The following RYR2 variants were observed in gnomAD, a reference collection of about 807,000 sequenced individuals.
The protein encoded by RYR2 is ryanodine receptor 2, also known as cardiac muscle ryanodine receptor-calcium release channel.
A neutral mutation model predicts 601.1 loss-of-function variants in RYR2; 227 were observed. The observed-to-expected ratio is 0.38, with a 90% confidence interval of 0.34 to 0.42. The LOEUF (loss-of-function observed/expected upper bound fraction) is 0.42, where lower values mean the gene tolerates loss of function less well. RYR2 is among the 10% of genes least tolerant of loss of function. The pLI is 1.00. For synonymous variants in RYR2, 2,223 were observed against 2,175.1 expected, an observed-to-expected ratio of 1.02 and a Z score of -0.61; for missense variants, 4,646 against 6,156.5, an observed-to-expected ratio of 0.75 and a Z score of 8.21.
rs570403867 is a variant in RYR2 at position 237,599,575 on chromosome 1, C to T, written c.4597-2450C>T. 1.3e-4 allele frequency among the ~76,000 whole-genome samples: 20 copies of T among 152,240 alleles called. No individual in the cohort carries two copies. The East Asian group carries it at 3.7e-3, about 28-fold the overall frequency. On this transcript the variant is annotated intron_variant, in intron 34 of 104. Coordinates refer to ENST00000366574, the MANE Select transcript of RYR2 (RefSeq NM_001035.3). The stretch of plus-strand genomic sequence containing the variant: ...GTGACTCATGCCTGTAATCCCAGCA[C>T]TTTGGGAGGCCGAGGCGGGTGGATC...
At chr1:237,112,517 C>T (rs1243693719) in intron 1 of RYR2, among the ~76,000 whole-genome samples, 1 of 150,878 alleles carries the variant, frequency 6.6e-6, no homozygotes, top group Non-Finnish European at 1.5e-5. Flanking sequence ...CCCAGGCTAC[C>T]CTTTAGGCAG....
chr1:237,320,317 T>A (rs113914685), intron 2 of RYR2, among the ~76,000 whole-genome samples: 2 of 152,156 alleles, frequency 1.3e-5, no homozygotes, highest in African/African-American at 2.4e-5. Context: ...AAAAGTGTTA[T>A]GTTATGGCTG....
chr1:237,480,170 G>A (rs1661877132), intron 17 of RYR2, among the ~76,000 whole-genome samples: 1 of 152,084 alleles, frequency 6.6e-6, no homozygotes. Context: ...TGTAATCCCA[G>A]CACTTTGGGA....
chr1:237,313,957 GTT>G (rs34046795), intron 2 of RYR2, among the ~76,000 whole-genome samples: 37,265 of 91,314 alleles, frequency 0.41, 5,017 homozygotes, highest in Non-Finnish European at 0.45. Flanking sequence ...ATTTTCAGGT[GTT>G]TTTTTTTTTT....
At chr1:237,579,247 TC>T (rs1346331394) in intron 29 of RYR2, among the ~76,000 whole-genome samples, 47 of 89,252 alleles carry the variant, frequency 5.3e-4, no homozygotes, top group African/African-American at 1.8e-3. Flanking sequence ...TTCTTCTTCT[TC>T]TTTTTTTTTT....
At chr1:237,594,886 G>GTTT (rs776702428) in intron 33 of RYR2, among the ~76,000 whole-genome samples, 15 of 60,406 alleles carry the variant, frequency 2.5e-4, no homozygotes, top group African/African-American at 1.3e-3. Flanking sequence ...ATATCACTGG[G>GTTT]TTTTTTTTTT....
At chr1:237,053,770 A>G (rs1396239654) in intron 1 of RYR2, among the ~76,000 whole-genome samples, 1 of 152,178 alleles carries the variant, frequency 6.6e-6, no homozygotes, top group Non-Finnish European at 1.5e-5. Flanking sequence ...GGACATAACA[A>G]TCAGAAAACC....
intron 19 of RYR2, among the ~76,000 whole-genome samples, chr1:237,493,504 G>C (rs968553694): frequency 6.6e-6 from 1 of 152,030 alleles, no homozygotes; most frequent in African/African-American, 2.4e-5. Flanking sequence ...CCAGGCTGGA[G>C]TGCAGTGGCA....
At chr1:237,745,376 T>A (rs910439681) in intron 80 of RYR2, among the ~76,000 whole-genome samples, 1 of 152,170 alleles carries the variant, frequency 6.6e-6, no homozygotes, top group African/African-American at 2.4e-5. Context: ...TGTTGAGGGA[T>A]GAAAATATGA....
chr1:237,190,346 T>G (rs952147951), intron 1 of RYR2, among the ~76,000 whole-genome samples: 2 of 152,234 alleles, frequency 1.3e-5, no homozygotes, highest in Non-Finnish European at 2.9e-5. Context: ...TGATTTGCAT[T>G]TCTCTTATTG....
chr1:237,776,591 T>C (rs905740720), intron 87 of RYR2, among the ~76,000 whole-genome samples: 7 of 152,186 alleles, frequency 4.6e-5, no homozygotes, highest in Admixed American at 1.3e-4. Flanking sequence ...TTGTTCATTC[T>C]GGAAGGAGTC....
intron 1 of RYR2, among the ~76,000 whole-genome samples, chr1:237,109,037 G>C (rs1669113507): frequency 6.6e-6 from 1 of 152,122 alleles, no homozygotes; most frequent in Admixed American, 6.5e-5. Context: ...TTGTGTCTAT[G>C]TATATGTGTG....
intron 47 of RYR2, among the ~76,000 whole-genome samples, 195 bp downstream of exon 47, chr1:237,641,197 T>C (rs1681433385): frequency 6.6e-6 from 1 of 152,202 alleles, no homozygotes; most frequent in African/African-American, 2.4e-5. Flanking sequence ...AGTAATGGGA[T>C]TTCAGTGCAA....
intron 12 of RYR2, among the ~76,000 whole-genome samples, chr1:237,432,753 G>A (rs572454646): frequency 6.6e-6 from 1 of 152,190 alleles, no homozygotes; most frequent in African/African-American, 2.4e-5. Flanking sequence ...TAGAGCAGTG[G>A]TGTCTTTTTC....
chr1:237,181,075 C>G (rs1678701918), intron 1 of RYR2, among the ~76,000 whole-genome samples: 1 of 151,992 alleles, frequency 6.6e-6, no homozygotes, highest in South Asian at 2.1e-4. Context: ...CCTCCACCTC[C>G]CGGGTTCAAG....
chr1:237,700,489 A>AT (rs1211061975), intron 65 of RYR2, 22 bp downstream of exon 65: 5 of 1,248,942 alleles, frequency 4.0e-6, no homozygotes, highest in Non-Finnish European at 5.6e-6. Context: ...TATATCTTGG[A>AT]GTTTTTTTTT....
At chr1:237,619,473 C>T (rs1487829084) in intron 38 of RYR2, among the ~76,000 whole-genome samples, 1 of 152,076 alleles carries the variant, frequency 6.6e-6, no homozygotes, top group Non-Finnish European at 1.5e-5. Flanking sequence ...ACTACCCCAT[C>T]TGAAGAAAAG....
chr1:237,077,356 T>G (rs1249065916), intron 1 of RYR2, among the ~76,000 whole-genome samples: 19 of 116,696 alleles, frequency 1.6e-4, no homozygotes, highest in Non-Finnish European at 3.2e-4. Flanking sequence ...TCAAGACCCA[T>G]CAGTGTGCTG....
chr1:237,712,058 G>T (rs1359336365), intron 71 of RYR2, among the ~76,000 whole-genome samples: 2 of 152,102 alleles, frequency 1.3e-5, no homozygotes, highest in Non-Finnish European at 2.9e-5. Flanking sequence ...CATGAAGGAA[G>T]ACATTTCTAC....
Sources: gnomAD v4.1 joint callset for allele counts (sites outside exome capture counted in the v4.1 genomes callset) on GRCh38, gnomAD v4.1.1 for gene constraint, MANE v1.5 for transcripts, NCBI Gene and HGNC (gene_info 2026-07-23, HGNC 2026-07-21) for gene names.